Variants in BBC3 observed in about 807,000 individuals in gnomAD.
The protein encoded by BBC3 is bcl-2-binding component 3.
A neutral mutation model predicts 18.2 loss-of-function variants in BBC3; 5 were observed. The ratio of observed to expected loss-of-function variants is 0.27; its 90% CI spans 0.14 to 0.58. The LOEUF (loss-of-function observed/expected upper bound fraction) is 0.58, where lower values mean the gene tolerates loss of function less well. Among genes scored for constraint, BBC3 ranks in the 20% least tolerant of loss-of-function variants. BBC3 has a pLI of 0.91. For synonymous variants in BBC3, 119 were observed against 128.0 expected, an observed-to-expected ratio of 0.93 and a Z score of 0.47; for missense variants, 224 against 268.9, an observed-to-expected ratio of 0.83 and a Z score of 1.17.
chr19:47,230,833 A>G lies in BBC3; in HGVS notation c.-16+96T>C. The G allele has an allele frequency of 1.0e-5, 10 of 984,760 alleles. No individual in the cohort carries two copies. The highest frequency in any genetic ancestry group is 1.2e-5 in the Non-Finnish European group (10 of 829,570). The allele number at this position is 984,760 out of a possible 1,614,324, so 61.0% of individuals were successfully genotyped here. A position where few individuals can be genotyped will look rare whatever the true frequency, so the allele number is the denominator to read the frequency against. ...CGCGGTGTGGGGAGGCAGGGCGCCC[A>G]CACTGCTCTCCGCCTGCACTCCTGT... On this transcript the variant is annotated intron_variant, in intron 1 of 3. Transcript: ENST00000439096. The surrounding 1 kb of genome is among the most constrained non-coding windows in gnomAD (Gnocchi z 6.7).
intron 3 of BBC3, among the ~76,000 whole-genome samples, chr19:47,223,428 C>A (rs983193510): frequency 1.3e-5 from 2 of 150,204 alleles, no homozygotes; most frequent in Admixed American, 6.6e-5. Context: ...TTAGCTGGGC[C>A]TGGTGGCACA....
At chr19:47,226,339 G>GCCCTGT (rs1295133141) in intron 3 of BBC3, among the ~76,000 whole-genome samples, 2 of 151,888 alleles carry the variant, frequency 1.3e-5, no homozygotes, top group Admixed American at 6.6e-5. Context: ...CCTGGCCCTG[G>GCCCTGT]CCCTGGCCCT....
At position 47,221,662 on chromosome 19, in the gene BBC3, GCCC is replaced by G; in HGVS notation, c.*137_*139del. On this transcript the variant is annotated 3_prime_UTR_variant, in exon 4 of 4. Coordinates refer to ENST00000439096, the MANE Select transcript of BBC3 (RefSeq NM_014417.5). ...GGCTGGGGCTGGAGTGGCTGCCCCG[GCCC>G]GCCCCCGGGACAGGCAGGGCTGGGA... 1.3e-6 allele frequency: 2 copies of G among 1,513,770 alleles called. No homozygotes were observed. The highest frequency in any genetic ancestry group is 1.8e-6 in the Non-Finnish European group (2 of 1,134,118). 93.8% of individuals were successfully genotyped at this position (1,513,770 alleles called of 1,614,324 possible). A position where few individuals can be genotyped will look rare whatever the true frequency, so the allele number is the denominator to read the frequency against.
rs141431032 is a variant in BBC3, at chr19:47,223,754, C to T, written c.466-1836G>A. On this transcript the variant is annotated intron_variant, in intron 3 of 3. Coordinates refer to ENST00000439096, the MANE Select transcript of BBC3 (RefSeq NM_014417.5). ...GTCCTCATGCTACCTGGTAGTGAGT[C>T]GCCTGGTACCAGCCCAGCCTCCTCA... Among the ~76,000 whole-genome samples, 10 of 152,130 alleles carry T rather than the reference C, an allele frequency of 6.6e-5. No individual in the cohort carries two copies. In the East Asian group the frequency reaches 1.2e-3, roughly 18 times the overall value.
At chr19:47,222,718 C>CT (rs2058765615) in intron 3 of BBC3, 1 of 151,986 alleles carries the variant, frequency 6.6e-6, no homozygotes, top group Non-Finnish European at 1.5e-5. Context: ...GTAATCTCAG[C>CT]ACTTTGGGAG....
intron 3 of BBC3, among the ~76,000 whole-genome samples, chr19:47,223,443 T>C (rs974757133): frequency 6.6e-6 from 1 of 151,850 alleles, no homozygotes; most frequent in African/African-American, 2.4e-5. Context: ...GGCACACACC[T>C]GTATTCCCAG....
rs2058873712 is a variant in BBC3 at position 47,228,791 on chromosome 19, G to A, written c.-15-345C>T. Among the ~76,000 whole-genome samples the A allele has an allele frequency of 6.6e-6, 1 of 151,878 alleles. No individual in the cohort carries two copies. The highest frequency in any genetic ancestry group is 1.5e-5 in the Non-Finnish European group (1 of 67,960). On this transcript the variant is annotated intron_variant, in intron 1 of 3. Coordinates refer to ENST00000439096, the MANE Select transcript of BBC3 (RefSeq NM_014417.5). This position sits in a 1 kb window ranked among gnomAD's most constrained non-coding sequence, Gnocchi z 5.5. ...CACAACACAAACTCACTCCACTTGG[G>A]ACTCACAGCATGGGCTGGTGGGGAC...
chr19:47,230,793 C>A lies in BBC3; in HGVS notation c.-16+136G>T. 4 of 985,264 alleles carry A rather than the reference C, an allele frequency of 4.1e-6. No homozygotes were observed. Among genetic ancestry groups the A allele is most frequent in the Non-Finnish European group, 4.8e-6 (4 of 829,922 alleles). 61.0% of individuals were successfully genotyped at this position (985,264 alleles called of 1,614,324 possible). On this transcript the variant is annotated intron_variant, in intron 1 of 3. Coordinates refer to ENST00000439096, the MANE Select transcript of BBC3 (RefSeq NM_014417.5). This position sits in a 1 kb window ranked among gnomAD's most constrained non-coding sequence, Gnocchi z 6.7. ...GGCGACCCTGGCCCAGGGTCCCTCGCGGGGTTTGGAGAGGCGCGGTGTGGG... is the reference window on the plus strand; with the variant it reads ...GGCGACCCTGGCCCAGGGTCCCTCGAGGGGTTTGGAGAGGCGCGGTGTGGG...
At chr19:47,226,501 C>T in intron 3 of BBC3, 63 bp downstream of exon 3, 1 of 1,457,200 alleles carries the variant, frequency 6.9e-7, no homozygotes, top group South Asian at 1.3e-5. Flanking sequence ...TGGCGGGGGC[C>T]GCCTGCCGCC....
chr19:47,226,795 T>C (rs919625968), intron 2 of BBC3, 41 bp from the exon 3 acceptor site: 33 of 1,360,004 alleles, frequency 2.4e-5, no homozygotes, highest in South Asian at 5.0e-5. Context: ...CCACCACCCC[T>C]CCAGGCCTCG....
intron 3 of BBC3, among the ~76,000 whole-genome samples, 197 bp downstream of exon 3, chr19:47,226,367 T>C (rs1432692781): frequency 2.0e-5 from 3 of 151,852 alleles, no homozygotes; most frequent in South Asian, 2.1e-4. Context: ...GCTCCGGCTA[T>C]GCCAGCCGCG....
chr19:47,232,704 G>C (rs1404496185), upstream of BBC3: 1 of 1,061,540 alleles, frequency 9.4e-7, no homozygotes, highest in Non-Finnish European at 1.4e-6. Context: ...TTCCAAAGCC[G>C]TGGATTCCTG....
At chr19:47,226,522 G>A (rs1279956650) in intron 3 of BBC3, 42 bp downstream of exon 3, 1 of 1,483,758 alleles carries the variant, frequency 6.7e-7, no homozygotes, top group Non-Finnish European at 9.0e-7. Context: ...CCCTCCTCCG[G>A]CGGAAGTCCC....
chr19:47,231,212 G>T (rs2058910576), upstream of BBC3: 1 of 981,882 alleles, frequency 1.0e-6, no homozygotes, highest in African/African-American at 1.8e-5. The surrounding 1 kb of genome is among the most constrained non-coding windows in gnomAD (Gnocchi z 4.0). Context: ...GCCGCCCGGC[G>T]GATCCCGGGC....
chr19:47,224,811 T>C (rs1265851130), intron 3 of BBC3, among the ~76,000 whole-genome samples: 1 of 149,684 alleles, frequency 6.7e-6, no homozygotes, highest in Non-Finnish European at 1.5e-5. Flanking sequence ...TGATCTCGGC[T>C]CACTGCAACC....
upstream of BBC3, chr19:47,231,218 CG>C: frequency 1.0e-6 from 1 of 981,692 alleles, no homozygotes. This position sits in a 1 kb window ranked among gnomAD's most constrained non-coding sequence, Gnocchi z 4.0. Context: ...CGGCGGATCC[CG>C]GGCCCGCTCC....
At chr19:47,232,090 G>A (rs927026500), upstream of BBC3, among the ~76,000 whole-genome samples, 10 of 152,200 alleles carry the variant, frequency 6.6e-5, no homozygotes, top group Non-Finnish European at 1.0e-4. Flanking sequence ...GGTGGCTCAT[G>A]CCTGTAATCC....
intron 3 of BBC3, among the ~76,000 whole-genome samples, chr19:47,226,277 C>G (rs2058818436): frequency 6.6e-6 from 1 of 151,790 alleles, no homozygotes; most frequent in Admixed American, 6.6e-5. Flanking sequence ...CGCCCTCAGT[C>G]CCCGCGGCCG....
At chr19:47,226,244 A>G (rs1056396464) in intron 3 of BBC3, among the ~76,000 whole-genome samples, 2 of 151,512 alleles carry the variant, frequency 1.3e-5, no homozygotes, top group Middle Eastern at 3.2e-3. Flanking sequence ...AGCCCGGGAT[A>G]TATGAGCCGC....
Sources: gnomAD v4.1 joint callset for allele counts (sites outside exome capture counted in the v4.1 genomes callset) on GRCh38, gnomAD v4.1.1 for gene constraint, Gnocchi (gnomAD v3.1) non-coding constraint, MANE v1.5 for transcripts, NCBI Gene and HGNC (gene_info 2026-07-23, HGNC 2026-07-21) for gene names.